The following CHN2 variants were observed in gnomAD, a reference collection of about 807,000 sequenced individuals.
CHN2 encodes chimerin 2, also known as beta-chimaerin.
Under a neutral mutation model 56.3 loss-of-function variants are expected in CHN2, and 35 were observed. That is an observed-to-expected ratio of 0.62 (90% CI 0.47 to 0.82). The LOEUF is 0.82. Ranked by LOEUF, CHN2 falls within the 40% of genes least tolerant of loss-of-function variation. The pLI is 0.00. For missense variants in CHN2, 491 were observed against 580.5 expected, an observed-to-expected ratio of 0.85 and a Z score of 1.58; for synonymous variants, 210 against 212.8, an observed-to-expected ratio of 0.99 and a Z score of 0.12.
At chr7:29,263,475 C>T (rs926285309) in intron 1 of CHN2, among the ~76,000 whole-genome samples, 7 of 152,080 alleles carry the variant, frequency 4.6e-5, no homozygotes, top group African/African-American at 1.7e-4. Flanking sequence ...AGGAGCGTCT[C>T]TGCCTGGCCG....
chr7:29,499,052 G>A (rs920187201), intron 8 of CHN2, among the ~76,000 whole-genome samples: 42 of 152,098 alleles, frequency 2.8e-4, no homozygotes, highest in African/African-American at 7.2e-4. Flanking sequence ...GAGCCACCAC[G>A]CCCGGCCAAC....
intron 2 of CHN2, among the ~76,000 whole-genome samples, chr7:29,181,862 G>C (rs190912842): frequency 4.9e-4 from 74 of 152,108 alleles, no homozygotes; most frequent in Non-Finnish European, 7.1e-4. Context: ...AATTCCTAAG[G>C]GGGGGAAAAG....
intron 1 of CHN2, chr7:29,292,801 A>G: frequency 2.3e-6 from 1 of 434,154 alleles, no homozygotes; most frequent in South Asian, 1.6e-5. Context: ...TATTCAAAAT[A>G]TGTTCAGAAT....
intron 2 of CHN2, among the ~76,000 whole-genome samples, chr7:29,170,991 T>C (rs936575748): frequency 6.6e-6 from 1 of 152,110 alleles, no homozygotes; most frequent in Non-Finnish European, 1.5e-5. Context: ...TCCCACAACA[T>C]GTCGGAATTC....
chr7:29,332,968 G>C (rs1796337866), intron 1 of CHN2: 2 of 152,092 alleles, frequency 1.3e-5, no homozygotes, highest in Admixed American at 6.5e-5. Flanking sequence ...TCTGCACAGG[G>C]AGTCAGAAAG....
intron 6 of CHN2, among the ~76,000 whole-genome samples, chr7:29,405,966 C>A (rs1049656267): frequency 2.6e-5 from 4 of 152,182 alleles, no homozygotes; most frequent in African/African-American, 9.6e-5. Flanking sequence ...CCAGCCCTCG[C>A]TTACTGGCAG....
chr7:29,311,811 C>T (rs1164547827), intron 1 of CHN2, among the ~76,000 whole-genome samples: 9 of 152,188 alleles, frequency 5.9e-5, no homozygotes, highest in Non-Finnish European at 1.2e-4. Context: ...ATTTACTCAG[C>T]ATCTGCCATG....
At chr7:29,146,615 C>T (rs1243572753) in exon 1 of CHN2, 5 of 1,550,350 alleles carry the variant, frequency 3.2e-6, no homozygotes, top group African/African-American at 2.7e-5. Flanking sequence ...AAAAGTGCGT[C>T]GTCGTGTCCC....
At chr7:29,278,846 C>T (rs1161160332) in intron 1 of CHN2, among the ~76,000 whole-genome samples, 4 of 152,146 alleles carry the variant, frequency 2.6e-5, no homozygotes, top group Admixed American at 6.5e-5. Flanking sequence ...TGGCTGGCAG[C>T]CAGCTCCTCT....
At chr7:29,228,887 C>T (rs1022083604) in intron 1 of CHN2, among the ~76,000 whole-genome samples, 1 of 152,246 alleles carries the variant, frequency 6.6e-6, no homozygotes, top group African/African-American at 2.4e-5. Context: ...CGCTGCACCG[C>T]CCTCCTTCCT....
Position 29,418,087 on chromosome 7 carries a change from T to C in CHN2, c.576+17259T>C, listed in dbSNP as rs114172417. Among the ~76,000 whole-genome samples, 1,096 of 152,322 alleles carry C rather than the reference T, an allele frequency of 7.2e-3. 16 individuals carry two copies. Among genetic ancestry groups the C allele is most frequent in the African/African-American group, 0.025 (1,023 of 41,570 alleles). The stretch of plus-strand genomic sequence containing the variant: ...GAGATGAAGGATTGCTGGAGCGCCT[T>C]GTTGGTTTTGAACGGTGCTATTTCC... On this transcript the variant is annotated intron_variant, in intron 6 of 12. Coordinates refer to ENST00000222792, the MANE Select transcript of CHN2 (RefSeq NM_004067.4).
intron 1 of CHN2, among the ~76,000 whole-genome samples, chr7:29,276,283 C>G (rs949213292): frequency 4.1e-4 from 62 of 152,178 alleles, no homozygotes; most frequent in African/African-American, 1.4e-3. Context: ...GAGGCTGTAA[C>G]CCAGGAGAAG....
chr7:29,335,563 G>T (rs374436080), intron 1 of CHN2: 3 of 152,316 alleles, frequency 2.0e-5, no homozygotes, highest in African/African-American at 7.2e-5. Context: ...TCCTTTTCTA[G>T]TTTTTGAGTT....
intron 1 of CHN2, among the ~76,000 whole-genome samples, chr7:29,280,949 A>T (rs1791657136): frequency 6.6e-6 from 1 of 152,184 alleles, no homozygotes; most frequent in Non-Finnish European, 1.5e-5. Flanking sequence ...TACAAAAATT[A>T]GCCGGGCATG....
chr7:29,468,439 G>A (rs1383138334), intron 6 of CHN2, among the ~76,000 whole-genome samples: 3 of 152,088 alleles, frequency 2.0e-5, no homozygotes, highest in African/African-American at 7.2e-5. Context: ...TTCTTGACTT[G>A]CAATCAGTAA....
upstream of CHN2, among the ~76,000 whole-genome samples, chr7:29,191,352 A>G (rs1434184684): frequency 6.6e-6 from 1 of 152,222 alleles, no homozygotes; most frequent in Non-Finnish European, 1.5e-5. Context: ...ACAGAAGAAG[A>G]GTTATTTTCT....
At chr7:29,389,920 G>A (rs1039429648) in intron 3 of CHN2, among the ~76,000 whole-genome samples, 1 of 151,922 alleles carries the variant, frequency 6.6e-6, no homozygotes, top group Admixed American at 6.6e-5. Context: ...CAGGCACGGT[G>A]GTATGCGCCT....
Position 29,244,765 on chromosome 7 carries a change from G to A in CHN2, c.49+49775G>A, listed in dbSNP as rs146186371. 1.4e-3 allele frequency among the ~76,000 whole-genome samples: 207 copies of A among 152,288 alleles called. 1 individual carries two copies. In the South Asian group the frequency reaches 0.015, roughly 11 times the overall value. On this transcript the variant is annotated intron_variant, in intron 1 of 12. Transcript: ENST00000222792. ...ATTCTGCCATAATGACCAGTGTAAC[G>A]TTGAGCAAGTTAAATTCCCTTACTT...
chr7:29,476,369 T>C (rs1786583782), intron 6 of CHN2, among the ~76,000 whole-genome samples: 1 of 151,924 alleles, frequency 6.6e-6, no homozygotes, highest in African/African-American at 2.4e-5. Context: ...AAACCCCATC[T>C]CTACTAAAAA....
Sources: gnomAD v4.1 joint callset for allele counts (sites outside exome capture counted in the v4.1 genomes callset) on GRCh38, gnomAD v4.1.1 for gene constraint, MANE v1.5 for transcripts, NCBI Gene and HGNC (gene_info 2026-07-23, HGNC 2026-07-21) for gene names.